Variants in KCTD1 observed in about 807,000 individuals in gnomAD.
KCTD1 encodes the protein potassium channel tetramerization domain containing 1, also known as BTB/POZ domain-containing protein KCTD1.
KCTD1 carries 24 observed loss-of-function variants against 66.0 expected under a neutral mutation model. The observed-to-expected ratio is 0.36, with a 90% CI of 0.26 to 0.51. The LOEUF (loss-of-function observed/expected upper bound fraction) is 0.51, where lower values mean the gene tolerates loss of function less well. KCTD1 is among the 20% of genes least tolerant of loss of function. KCTD1 has a pLI of 0.95. For synonymous variants in KCTD1, 511 were observed against 517.2 expected (o/e 0.99, Z 0.16); for missense variants, 943 against 1,205.2 (o/e 0.78, Z 3.22).
At chr18:26,483,016 T>C (rs1981728536) in intron 2 of KCTD1, among the ~76,000 whole-genome samples, 1 of 152,210 alleles carries the variant, frequency 6.6e-6, no homozygotes, top group Non-Finnish European at 1.5e-5. Context: ...TGGTTTGGAC[T>C]TTAGGAAAAG....
chr18:26,546,018 A>C (rs1364124007), intron 1 of KCTD1, among the ~76,000 whole-genome samples: 1 of 152,084 alleles, frequency 6.6e-6, no homozygotes, highest in Non-Finnish European at 1.5e-5. Flanking sequence ...CCGTGGGGCT[A>C]GGGGGAGACA....
chr18:26,592,244 T>C (rs976275009), intron 1 of KCTD1, among the ~76,000 whole-genome samples: 1 of 152,216 alleles, frequency 6.6e-6, no homozygotes, highest in Non-Finnish European at 1.5e-5. Flanking sequence ...TTAGAAACAG[T>C]TTTTTTCTTT....
At chr18:26,562,294 C>T (rs1346749613) in intron 1 of KCTD1, among the ~76,000 whole-genome samples, 1 of 152,134 alleles carries the variant, frequency 6.6e-6, no homozygotes. Context: ...TCCAGTGGTG[C>T]CATCTCAGCT....
At position 26,652,458 on chromosome 18, in the gene KCTD1, G is replaced by A. The variant is rs567491869; in HGVS notation, c.9+4902C>T. The stretch of plus-strand genomic sequence containing the variant: ...TGTGTCAGTTATTTGTATGTAAACG[G>A]ACTTTTAAAAAGCATCCAACCATTC... On this transcript the variant is annotated intron_variant, in intron 1 of 4. Coordinates refer to the KCTD1 transcript ENST00000580191. Among the ~76,000 whole-genome samples, 247 of 152,250 alleles carry A rather than the reference G, an allele frequency of 1.6e-3. No homozygotes were observed. The South Asian group carries it at 0.017, about 10-fold the overall frequency.
chr18:26,550,557 G>GACACACACACACAC (rs907937404), upstream of KCTD1, among the ~76,000 whole-genome samples: 62 of 83,666 alleles, frequency 7.4e-4, no homozygotes, highest in African/African-American at 3.5e-3. This position sits in a 1 kb window ranked among gnomAD's most constrained non-coding sequence, Gnocchi z 5.4. Context: ...GGAAACACAA[G>GACACACACACACAC]ACACACAGAC....
intron 1 of KCTD1, among the ~76,000 whole-genome samples, chr18:26,531,818 G>A (rs79576286): frequency 0.027 from 4,051 of 152,282 alleles, 86 homozygotes; most frequent in Non-Finnish European, 0.043. Flanking sequence ...TGTGAACAGC[G>A]GCCTCCCAAG....
chr18:26,489,096 C>A (rs924814740), intron 2 of KCTD1, among the ~76,000 whole-genome samples: 1 of 152,168 alleles, frequency 6.6e-6, no homozygotes, highest in Non-Finnish European at 1.5e-5. Context: ...AAGGCCAGCA[C>A]GGAAAGCATT....
At chr18:26,498,437 A>G (rs1019816548) in intron 2 of KCTD1, among the ~76,000 whole-genome samples, 2 of 150,508 alleles carry the variant, frequency 1.3e-5, no homozygotes, top group African/African-American at 4.9e-5. Flanking sequence ...TCCAACAGAA[A>G]TAAACAGCAA....
chr18:26,564,314 A>G (rs1338408258), intron 1 of KCTD1, among the ~76,000 whole-genome samples: 2 of 151,930 alleles, frequency 1.3e-5, no homozygotes, highest in Non-Finnish European at 2.9e-5. Context: ...CACAATATAT[A>G]CCCCAGGCCT....
intron 1 of KCTD1, among the ~76,000 whole-genome samples, chr18:26,561,112 C>G (rs538545117): frequency 4.7e-4 from 72 of 151,686 alleles, no homozygotes; most frequent in African/African-American, 1.5e-3. Flanking sequence ...CAGTGGTCTC[C>G]AAGACATTTT....
chr18:26,562,469 C>T (rs888927300), intron 1 of KCTD1, among the ~76,000 whole-genome samples: 6 of 151,960 alleles, frequency 3.9e-5, no homozygotes. Flanking sequence ...CCTATGTTGC[C>T]TGGGCTGGTC....
intron 1 of KCTD1, among the ~76,000 whole-genome samples, chr18:26,509,903 C>CT (rs1418946669): frequency 6.6e-6 from 1 of 152,180 alleles, no homozygotes; most frequent in Non-Finnish European, 1.5e-5. Flanking sequence ...ATCCTCATCT[C>CT]TAAGACAGGA....
At chr18:26,501,614 A>G (rs867725124) in intron 1 of KCTD1, among the ~76,000 whole-genome samples, 18 of 152,228 alleles carry the variant, frequency 1.2e-4, no homozygotes, top group Admixed American at 3.3e-4. Flanking sequence ...CACTTCAAAC[A>G]ATACATATCT....
intron 1 of KCTD1, among the ~76,000 whole-genome samples, chr18:26,614,438 A>C (rs1987205193): frequency 6.6e-6 from 1 of 152,216 alleles, no homozygotes; most frequent in Non-Finnish European, 1.5e-5. Flanking sequence ...CACAACGGAA[A>C]AAGGGGTGGG....
At chr18:26,642,028 TC>T (rs1341043056), upstream of KCTD1, among the ~76,000 whole-genome samples, 1 of 152,230 alleles carries the variant, frequency 6.6e-6, no homozygotes, top group African/African-American at 2.4e-5. Flanking sequence ...TGCAAAGTGC[TC>T]TCTAGATGTT....
At chr18:26,656,785 TGCGCTTGGCTCTGGGCGCCCCCGCG>T (rs1988156915) in intron 1 of KCTD1, among the ~76,000 whole-genome samples, 1 of 150,242 alleles carries the variant, frequency 6.7e-6, no homozygotes, top group Non-Finnish European at 1.5e-5. Context: ...CGCAGAGATG[TGCGCTTGGCTCTGGGCGCCCCCGCG>T]GCGCTGGGCG....
intron 2 of KCTD1, among the ~76,000 whole-genome samples, chr18:26,498,579 T>A (rs1319805984): frequency 6.6e-6 from 1 of 151,908 alleles, no homozygotes; most frequent in Non-Finnish European, 1.5e-5. Flanking sequence ...AAAAAATTAC[T>A]GAGTTTACAT....
intron 1 of KCTD1, among the ~76,000 whole-genome samples, chr18:26,615,472 G>A (rs1457927352): frequency 6.6e-6 from 1 of 152,172 alleles, no homozygotes; most frequent in Non-Finnish European, 1.5e-5. Context: ...AAGTAGTACT[G>A]AGCATTTTGA....
intron 1 of KCTD1, among the ~76,000 whole-genome samples, chr18:26,523,303 G>A (rs1315350195): frequency 6.6e-6 from 1 of 152,124 alleles, no homozygotes; most frequent in South Asian, 2.1e-4. Context: ...TTGAAGGGTC[G>A]GTGTTCCCTC....
Sources: gnomAD v4.1 joint callset for allele counts (sites outside exome capture counted in the v4.1 genomes callset) on GRCh38, gnomAD v4.1.1 for gene constraint, Gnocchi (gnomAD v3.1) non-coding constraint, MANE v1.5 for transcripts, NCBI Gene and HGNC (gene_info 2026-07-23, HGNC 2026-07-21) for gene names.